The following LTBP4 variants were observed in gnomAD, a reference collection of about 807,000 sequenced individuals.
The protein encoded by LTBP4 is latent transforming growth factor beta binding protein 4.
LTBP4 carries 93 observed loss-of-function variants against 180.2 expected under a neutral mutation model. That is an observed-to-expected ratio of 0.52 (90% CI 0.44 to 0.61). The LOEUF (loss-of-function observed/expected upper bound fraction) is 0.61, where lower values mean the gene tolerates loss of function less well. Ranked by LOEUF, LTBP4 falls within the 20% of genes least tolerant of loss-of-function variation. The pLI is 0.00. For synonymous variants in LTBP4, 947 were observed against 934.5 expected, an observed-to-expected ratio of 1.01 and a Z score of -0.24; for missense variants, 2,116 against 2,256.5, an observed-to-expected ratio of 0.94 and a Z score of 1.26.
In LTBP4 at chr19:40,601,547, T is replaced by C. The variant is rs1454339471; in HGVS notation, c.160T>C (p.Cys54Arg). The change falls in exon 1 of 30, where the codon TGT becomes CGT. Residue 54 changes from cysteine to arginine, a missense_variant. By Grantham distance (180) the Cys-to-Arg change is radical. Transcript: ENST00000396819. ...CGTCCATGGGCCGACCGGCTCCCGCTGTACCCCGACCTGCGCGCCCCGCAA... is the reference window on the plus strand; with the variant it reads ...CGTCCATGGGCCGACCGGCTCCCGCCGTACCCCGACCTGCGCGCCCCGCAA... ...RCVHGPTGSR[C>R]TPTCAPRNAT... The C allele has an allele frequency of 2.0e-6, 3 of 1,486,930 alleles. No homozygotes were observed. The highest frequency in any genetic ancestry group is 2.7e-6 in the Non-Finnish European group (3 of 1,125,222). 92.1% of individuals were successfully genotyped at this position (1,486,930 alleles called of 1,614,324 possible).
upstream of LTBP4, among the ~76,000 whole-genome samples, chr19:40,596,966 G>A (rs1457213616): frequency 6.6e-6 from 1 of 152,024 alleles, no homozygotes. Context: ...GCCAGTATCC[G>A]AGTCCTAATT....
Position 40,602,650 on chromosome 19 carries a change from G to A in LTBP4, c.250+1013G>A, listed in dbSNP as rs558327116. On this transcript the variant is annotated intron_variant, in intron 1 of 29. Transcript: ENST00000396819. ...CCTGTGCCAGGCGCCATGCCCAGGC[G>A]GGTGCCAAGCCCTTGGGGGTGCAAG... Among the ~76,000 whole-genome samples the A allele has an allele frequency of 7.9e-5, 12 of 152,318 alleles. No individual in the cohort carries two copies. The South Asian group carries it at 2.5e-3, about 32-fold the overall frequency.
intron 26 of LTBP4, among the ~76,000 whole-genome samples, chr19:40,624,677 G>A (rs2146047306): frequency 6.6e-6 from 1 of 152,258 alleles, no homozygotes; most frequent in Admixed American, 6.5e-5. Flanking sequence ...AGGATTACAG[G>A]TGTGAGCCAC....
Position 40,611,179 on chromosome 19 carries a change from G to A in LTBP4, c.1838G>A (p.Gly613Asp). ...QDVDECTQSPGLCGRGACKNL... is the reference protein window; with the variant it reads ...QDVDECTQSPDLCGRGACKNL... ...GTGGATGAATGCACCCAGAGCCCAG[G>A]CCTGTGTGGCCGAGGGGCCTGCAAG... is the stretch of plus-strand genomic sequence containing the variant. The change falls in exon 13 of 30, where the codon GGC becomes GAC. Residue 613 changes from glycine to aspartate, a missense_variant. Coordinates refer to ENST00000396819, the MANE Select transcript of LTBP4 (RefSeq NM_001042545.2). The surrounding 1 kb of genome is among the most constrained non-coding windows in gnomAD (Gnocchi z 4.4). The A allele has an allele frequency of 1.2e-6, 2 of 1,613,442 alleles. No homozygotes were observed. The highest frequency in any genetic ancestry group is 8.5e-7 in the Non-Finnish European group (1 of 1,179,740).
At position 40,629,077 on chromosome 19, in the gene LTBP4, G is replaced by A. The variant is rs1453411986; in HGVS notation, c.4520-319G>A. On this transcript the variant is annotated intron_variant, in intron 29 of 29. Coordinates refer to ENST00000396819, the MANE Select transcript of LTBP4 (RefSeq NM_001042545.2). This position sits in a 1 kb window ranked among gnomAD's most constrained non-coding sequence, Gnocchi z 4.5. ...GTTGGCCAGGTTCGTCTCGAACTCC[G>A]GCCTCAAGTGATCCACCCGCCTCAG... 6.6e-6 allele frequency among the ~76,000 whole-genome samples: 1 copy of A among 151,964 alleles called. No homozygotes were observed. The highest frequency in any genetic ancestry group is 2.1e-4 in the South Asian group (1 of 4,826).
chr19:40,601,602 GC>G lies in LTBP4; in HGVS notation c.216del (p.Ala74ArgfsTer15). 7.1e-7 allele frequency: 1 copy of G among 1,404,904 alleles called. No homozygotes were observed. Among genetic ancestry groups the G allele is most frequent in the Non-Finnish European group, 9.2e-7 (1 of 1,087,448 alleles). 87.0% of individuals were successfully genotyped at this position (1,404,904 alleles called of 1,614,324 possible). On this transcript the variant is annotated frameshift_variant, in exon 1 of 30. Transcript: ENST00000396819. LOFTEE classifies it high-confidence loss of function. ...NATSVDSGAP[G>X]GAAPGGPGFR... ...ACCAGCGTGGACAGCGGCGCTCCCGGCGGGGCGGCCCCGGGGGGACCCGGCT... is the reference window on the plus strand; with the variant it reads ...ACCAGCGTGGACAGCGGCGCTCCCGGGGGGCGGCCCCGGGGGGACCCGGCT...
intron 26 of LTBP4, 125 bp from the exon 27 acceptor site, chr19:40,625,732 A>G (rs965992182): frequency 3.7e-6 from 3 of 803,502 alleles, no homozygotes; most frequent in Admixed American, 6.8e-5. Flanking sequence ...GAGTTAGATC[A>G]CAGCTGATGA....
chr19:40,614,225 C>T lies in LTBP4; in HGVS notation c.2681-90C>T, dbSNP rs565823396. 5.4e-5 allele frequency: 82 copies of T among 1,512,790 alleles called. No homozygotes were observed. The African/African-American group carries it at 9.8e-4, about 18-fold the overall frequency. The allele number at this position is 1,512,790 out of a possible 1,614,324, so 93.7% of individuals were successfully genotyped here. On this transcript the variant is annotated intron_variant, in intron 18 of 29. Transcript: ENST00000396819. ...CCTGCCCTCTCCTCTGCTTCCCCGG[C>T]CTCCCCCTTCTGACTCTCCTCTCCC...
intron 24 of LTBP4, among the ~76,000 whole-genome samples, 192 bp downstream of exon 24, chr19:40,623,213 C>T (rs1187234233): frequency 7.3e-6 from 1 of 137,800 alleles, no homozygotes; most frequent in Non-Finnish European, 1.5e-5. Flanking sequence ...TTGTTCTTGT[C>T]GCCCAGGCTG....
Position 40,627,760 on chromosome 19 carries a change from C to T in LTBP4, c.4422C>T (p.Asp1474=), listed in dbSNP as rs745536875. ...ELEAEECGIL[D]GCTNGRCVRV... ...AGGCGGAGGAGTGCGGGATCCTGGA[C>T]GGCTGCACCAACGGCCGCTGCGTGC... The change falls in exon 29 of 30, where the codon GAC becomes GAT. Residue 1474 remains aspartate (D), a synonymous_variant. Transcript: ENST00000396819. The T allele has an allele frequency of 2.5e-6, 4 of 1,592,464 alleles. No homozygotes were observed. Among genetic ancestry groups the T allele is most frequent in the Non-Finnish European group, 3.4e-6 (4 of 1,171,706 alleles).
chr19:40,613,411 C>G lies in LTBP4; in HGVS notation c.2439C>G (p.Asn813Lys). Reference protein sequence around the residue: ...SGRPGPCADVNECLEGDFCFP... With the variant: ...SGRPGPCADVKECLEGDFCFP... The stretch of plus-strand genomic sequence containing the variant: ...ATCTCCCGCGTACCCTAGACGTGAA[C>G]GAGTGCCTGGAGGGCGATTTCTGCT... The change falls in exon 17 of 30, where the codon AAC (asparagine) becomes AAG (lysine). Residue 813 changes from asparagine to lysine, a missense_variant. Physicochemically the swap from Asn to Lys is moderately conservative, Grantham distance 94 (BLOSUM62 0). Around this residue, in one of 5 missense-constraint regions of LTBP4, gnomAD observed 877 missense variants for 873.6 expected, o/e 1.00. Coordinates refer to ENST00000396819, the MANE Select transcript of LTBP4 (RefSeq NM_001042545.2). This position sits in a 1 kb window ranked among gnomAD's most constrained non-coding sequence, Gnocchi z 5.0. 6.2e-7 allele frequency: 1 copy of G among 1,606,782 alleles called. No individual in the cohort carries two copies. The highest frequency in any genetic ancestry group is 8.5e-7 in the Non-Finnish European group (1 of 1,177,234).
In LTBP4 at chr19:40,623,617, T is replaced by C; in HGVS notation, c.3570T>C (p.Cys1190=). The C allele has an allele frequency of 6.2e-7, 1 of 1,613,546 alleles. No homozygotes were observed. The highest frequency in any genetic ancestry group is 1.7e-4 in the Middle Eastern group (1 of 6,060). The part of the protein sequence containing the change: ...DLSLRRDVDE[C]QLFRDQVCKS... ...CTTTTCGCACAGACGTGGACGAATG[T>C]CAGCTCTTCCGAGACCAGGTGTGCA... Residue 1190 remains cysteine, a synonymous_variant, in exon 25 of 30, where the codon TGT becomes TGC. Coordinates refer to ENST00000396819, the MANE Select transcript of LTBP4 (RefSeq NM_001042545.2).
At chr19:40,620,248 G>GTT (rs67252351) in intron 22 of LTBP4, among the ~76,000 whole-genome samples, 70,573 of 148,192 alleles carry the variant, frequency 0.48, 17,337 homozygotes, top group African/African-American at 0.62. Context: ...TTTTTTAAAT[G>GTT]TTTTTTTTTT....
intron 22 of LTBP4, among the ~76,000 whole-genome samples, chr19:40,621,914 AT>A (rs1421337350): frequency 1.3e-5 from 2 of 151,862 alleles, no homozygotes; most frequent in Non-Finnish European, 2.9e-5. Flanking sequence ...CACCCGGCTA[AT>A]TTTTTCTATT....
At position 40,611,981 on chromosome 19, in the gene LTBP4, G is replaced by A. The variant is rs199691160; in HGVS notation, c.2176G>A (p.Glu726Lys). ...ACCCAACACTGCTGGCTCCGAGTGC[G>A]AGGGTGAGGCCGGGGAGGGAGGGAG... The part of the protein sequence containing the change: ...FQPNTAGSEC[E>K]DVDECENHLA... The change falls in exon 14 of 30, where the codon GAG becomes AAG. Residue 726 changes from glutamate to lysine, a missense_variant. By Grantham distance (56) the Glu-to-Lys change is moderately conservative. This residue lies in a region of LTBP4 where 877 missense variants were observed against 873.6 expected (regional missense o/e 1.00). Transcript: ENST00000396819. This position sits in a 1 kb window ranked among gnomAD's most constrained non-coding sequence, Gnocchi z 4.4. 2.3e-5 allele frequency: 37 copies of A among 1,611,922 alleles called. No homozygotes were observed. Among genetic ancestry groups the A allele is most frequent in the South Asian group, 6.6e-5 (6 of 90,742 alleles).
chr19:40,602,184 GCGGC>G (rs2081428992), intron 1 of LTBP4, among the ~76,000 whole-genome samples: 1 of 125,000 alleles, frequency 8.0e-6, no homozygotes, highest in Non-Finnish European at 1.6e-5. Flanking sequence ...TGTGTGTGTG[GCGGC>G]GGGGGTGGGG....
At chr19:40,625,282 A>ATATATATT (rs2081620177) in intron 26 of LTBP4, among the ~76,000 whole-genome samples, 1 of 6,078 alleles carries the variant, frequency 1.6e-4, no homozygotes, top group Non-Finnish European at 2.5e-4. Context: ...ATATATATAT[A>ATATATATT]TATATATATA....
intron 19 of LTBP4, among the ~76,000 whole-genome samples, chr19:40,614,892 A>G (rs777063040): frequency 5.9e-5 from 9 of 151,968 alleles, no homozygotes; most frequent in Non-Finnish European, 2.9e-5. Flanking sequence ...CCTAGGCCCC[A>G]TTCTTTCCCA....
intron 19 of LTBP4, among the ~76,000 whole-genome samples, chr19:40,616,292 T>TAAAA (rs72117985): frequency 0.29 from 38,981 of 134,480 alleles, 6,007 homozygotes; most frequent in South Asian, 0.42. Context: ...AGACCCCATT[T>TAAAA]AAAAAAAAGA....
Sources: allele counts gnomAD v4.1 joint callset (sites outside exome capture counted in the v4.1 genomes callset), GRCh38; gene constraint gnomAD v4.1.1; regional missense constraint gnomAD v4.1.1; non-coding constraint Gnocchi (gnomAD v3.1); transcripts MANE v1.5; gene names NCBI Gene and HGNC (gene_info 2026-07-23, HGNC 2026-07-21).